PROX1: variants seen among roughly 807,000 people sequenced by gnomAD.
The protein encoded by PROX1 is prospero homeobox protein 1.
Under a neutral mutation model 58.8 loss-of-function variants are expected in PROX1, and 7 were observed. That is an observed-to-expected ratio of 0.12 (90% CI 0.07 to 0.22). The LOEUF is 0.22. Among genes scored for constraint, PROX1 ranks in the 10% least tolerant of loss-of-function variants. The pLI is 1.00. For synonymous variants in PROX1, 350 were observed against 358.3 expected (o/e 0.98, Z 0.26); for missense variants, 675 against 927.8 (o/e 0.73, Z 3.54).
intron 1 of PROX1, among the ~76,000 whole-genome samples, chr1:213,994,769 AT>A (rs1325913303): frequency 0.13 from 4,042 of 31,708 alleles, 230 homozygotes; most frequent in Non-Finnish European, 0.16. Context: ...ATATATATAT[AT>A]ATATATATAT....
At chr1:213,983,870 G>A (rs1032806682), upstream of PROX1, 4 of 152,192 alleles carry the variant, frequency 2.6e-5, no homozygotes, top group African/African-American at 9.7e-5. Context: ...TCAAAACGAT[G>A]GGTGGGGTTG....
intron 1 of PROX1, among the ~76,000 whole-genome samples, chr1:213,992,910 C>T (rs937989718): frequency 6.6e-6 from 1 of 152,146 alleles, no homozygotes; most frequent in African/African-American, 2.4e-5. Context: ...ATTCTTTCCT[C>T]CTAACCTTAA....
At chr1:214,030,128 C>G (rs1664595751) in intron 4 of PROX1, 3 of 152,598 alleles carry the variant, frequency 2.0e-5, no homozygotes, top group Non-Finnish European at 2.9e-5. Flanking sequence ...ATACCAGTAC[C>G]CTTTTCTCCT....
At chr1:214,014,664 TGCCCAAA>T (rs1258771421) in intron 4 of PROX1, among the ~76,000 whole-genome samples, 1 of 152,218 alleles carries the variant, frequency 6.6e-6, no homozygotes, top group Non-Finnish European at 1.5e-5. Flanking sequence ...AACTTCAGTT[TGCCCAAA>T]GCTTTACTAT....
At chr1:214,009,430 T>C (rs1358796870) in intron 3 of PROX1, among the ~76,000 whole-genome samples, 1 of 152,212 alleles carries the variant, frequency 6.6e-6, no homozygotes, top group African/African-American at 2.4e-5. Flanking sequence ...TTTAATACTT[T>C]TTCTCCCCCA....
At position 213,996,821 on chromosome 1, in the gene PROX1, C is replaced by A. The variant is rs1663283190; in HGVS notation, c.286C>A (p.Leu96Met). 6.2e-7 allele frequency: 1 copy of A among 1,614,138 alleles called. No homozygotes were observed. The highest frequency in any genetic ancestry group is 1.1e-5 in the South Asian group (1 of 91,072). ...TCCAGGAGCAACCATAATTTCCCAG[C>A]TGTTGAAAAATAACATGAACAAAAA... ...PFPGATIISQ[L>M]LKNNMNKNGG... The change falls in exon 2 of 5, where the codon CTG (leucine) becomes ATG (methionine). Residue 96 changes from leucine to methionine, a missense_variant. This residue lies in a region of PROX1 where 157 missense variants were observed against 197.8 expected (regional missense o/e 0.79). Transcript: ENST00000366958.
At chr1:213,989,500 G>T (rs572119048) in intron 1 of PROX1, among the ~76,000 whole-genome samples, 1 of 152,028 alleles carries the variant, frequency 6.6e-6, no homozygotes, top group African/African-American at 2.4e-5. Flanking sequence ...TCTCGTCTGG[G>T]TGGTACCTAC....
intron 4 of PROX1, among the ~76,000 whole-genome samples, chr1:214,024,050 C>T (rs529468592): frequency 7.2e-5 from 11 of 152,214 alleles, no homozygotes; most frequent in Middle Eastern, 3.4e-3. Flanking sequence ...GTGTAGATAC[C>T]TGAAACTGCC....
rs1279450481 is a variant in PROX1 at position 214,037,316 on chromosome 1, G to T, written c.*1482G>T. The T allele has an allele frequency of 6.6e-6, 1 of 151,998 alleles. No individual in the cohort carries two copies. The highest frequency in any genetic ancestry group is 6.6e-5 in the Admixed American group (1 of 15,258). The allele number at this position is 151,998 out of a possible 1,614,324, so 9.4% of individuals were successfully genotyped here. A position where few individuals can be genotyped will look rare whatever the true frequency, so the allele number is the denominator to read the frequency against. ...TTTTCCAGACCCTTCCTTCCCCTTA[G>T]GTAATTTGATATACACCTCCTAAAA... is the stretch of plus-strand genomic sequence containing the variant. On this transcript the variant is annotated 3_prime_UTR_variant, in exon 5 of 5. Transcript: ENST00000366958.
At chr1:214,019,916 C>T in intron 4 of PROX1, among the ~76,000 whole-genome samples, 1 of 152,178 alleles carries the variant, frequency 6.6e-6, no homozygotes, top group East Asian at 1.9e-4. Context: ...TTTTCCTCGA[C>T]TTCTGAACTC....
At position 213,995,219 on chromosome 1, in the gene PROX1, A is replaced by C. The variant is rs537563882; in HGVS notation, c.-67-1250A>C. ...AAAAAATTTTCATTTTCTTCATAAAATGTTAATTATAAACAAAAAGATGTG... is the reference window on the plus strand; with the variant it reads ...AAAAAATTTTCATTTTCTTCATAAACTGTTAATTATAAACAAAAAGATGTG... On this transcript the variant is annotated intron_variant, in intron 1 of 4. Transcript: ENST00000366958. 1.8e-3 allele frequency among the ~76,000 whole-genome samples: 267 copies of C among 152,332 alleles called. 2 individuals carry two copies. The highest frequency in any genetic ancestry group is 2.8e-3 in the Admixed American group (43 of 15,312).
intron 2 of PROX1, among the ~76,000 whole-genome samples, chr1:214,002,481 C>T (rs2102709302): frequency 7.1e-6 from 1 of 140,456 alleles, no homozygotes. Flanking sequence ...TTGCATTACA[C>T]ATAGAATTGA....
intron 1 of PROX1, among the ~76,000 whole-genome samples, chr1:213,990,396 C>G (rs1378410876): frequency 2.4e-5 from 3 of 123,644 alleles, no homozygotes; most frequent in African/African-American, 3.2e-5. Flanking sequence ...GGGAATTGGG[C>G]TGTTGTTCTT....
chr1:213,996,557 G>C lies in PROX1; in HGVS notation c.22G>C (p.Ala8Pro). 2 of 1,613,926 alleles carry C rather than the reference G, an allele frequency of 1.2e-6. No individual in the cohort carries two copies. The highest frequency in any genetic ancestry group is 1.7e-6 in the Non-Finnish European group (2 of 1,179,888). The change falls in exon 2 of 5, where the codon GCC (alanine) becomes CCC (proline). Residue 8 changes from alanine to proline, a missense_variant. By Grantham distance (27) the Ala-to-Pro change is conservative. Around this residue, in one of 8 missense-constraint regions of PROX1, gnomAD observed 157 missense variants for 197.8 expected, o/e 0.79. Transcript: ENST00000366958. ...AGTGATGCCTGACCATGACAGCACA[G>C]CCCTCTTAAGCCGGCAAACCAAGAG... MPDHDST[A>P]LLSRQTKRRR...
intron 2 of PROX1, 45 bp from the exon 3 acceptor site, chr1:214,005,120 C>A (rs1263923985): frequency 2.0e-6 from 3 of 1,499,972 alleles, no homozygotes; most frequent in South Asian, 1.1e-5. Flanking sequence ...AGGTGGGAGT[C>A]CTTGTGCTTA....
intron 4 of PROX1, among the ~76,000 whole-genome samples, chr1:214,023,543 T>A (rs1664355710): frequency 6.6e-6 from 1 of 152,086 alleles, no homozygotes; most frequent in Non-Finnish European, 1.5e-5. Flanking sequence ...TTTTAGATGA[T>A]ATAACTACCT....
intron 3 of PROX1, among the ~76,000 whole-genome samples, chr1:214,008,728 G>A (rs566387132): frequency 4.6e-5 from 7 of 152,298 alleles, no homozygotes; most frequent in African/African-American, 1.7e-4. Context: ...TGTTGGCATG[G>A]CGAGAGTTCT....
chr1:214,031,565 ATAC>A (rs1362393770), intron 4 of PROX1, among the ~76,000 whole-genome samples: 1 of 152,002 alleles, frequency 6.6e-6, no homozygotes, highest in Non-Finnish European at 1.5e-5. Context: ...TGCTGAGGAG[ATAC>A]TCTAGGGTTC....
intron 4 of PROX1, chr1:214,029,179 T>C (rs1482064758): frequency 2.6e-5 from 4 of 152,238 alleles, no homozygotes; most frequent in Non-Finnish European, 5.9e-5. Flanking sequence ...CTCGGGAAAG[T>C]ACTTCAACTA....
Sources: gnomAD v4.1 joint callset for allele counts (sites outside exome capture counted in the v4.1 genomes callset) on GRCh38, gnomAD v4.1.1 for gene constraint, gnomAD v4.1.1 regional missense constraint, MANE v1.5 for transcripts, NCBI Gene and HGNC (gene_info 2026-07-23, HGNC 2026-07-21) for gene names.